NOX3: variants seen among roughly 807,000 people sequenced by gnomAD.
The protein encoded by NOX3 is NADPH oxidase catalytic subunit-like 3.
NOX3 carries 74 observed loss-of-function variants against 76.7 expected under a neutral mutation model. The observed-to-expected ratio is 0.96, with a 90% CI of 0.80 to 1.17. The LOEUF (loss-of-function observed/expected upper bound fraction) is 1.17. Among genes scored for constraint, NOX3 ranks in the 50% most tolerant of loss-of-function variants. NOX3 has a pLI of 0.00. For synonymous variants in NOX3, 263 were observed against 261.1 expected, an observed-to-expected ratio of 1.01 and a Z score of -0.07; for missense variants, 695 against 703.3, an observed-to-expected ratio of 0.99 and a Z score of 0.13.
rs760201197 is a variant in NOX3 at position 155,440,154 on chromosome 6, C to CAACAAAAAAAGAAACA, written c.487-33_487-18dup. 6.6e-7 allele frequency: 1 copy of CAACAAAAAAAGAAACA among 1,504,510 alleles called. No individual in the cohort carries two copies. The highest frequency in any genetic ancestry group is 8.9e-7 in the Non-Finnish European group (1 of 1,126,872). 93.2% of individuals were successfully genotyped at this position (1,504,510 alleles called of 1,614,324 possible). On this transcript the variant is annotated splice_polypyrimidine_tract_variant and intron_variant, in intron 5 of 13. Transcript: ENST00000159060. ...GGTTGTGTTCTAAAAAAAACAACAA[C>CAACAAAAAAAGAAACA]AACAAAAAAAGAAACAAACAAAAAA...
chr6:155,430,786 A>C (rs962466486), intron 8 of NOX3, 57 bp downstream of exon 8: 2 of 1,202,422 alleles, frequency 1.7e-6, no homozygotes, highest in Non-Finnish European at 2.4e-6. Context: ...ATTTGGGCTA[A>C]TAAAAAATTT....
intron 7 of NOX3, 66 bp downstream of exon 7, chr6:155,436,352 C>T: frequency 2.5e-6 from 4 of 1,573,654 alleles, no homozygotes; most frequent in Non-Finnish European, 3.5e-6. Context: ...TTTTCCAAGC[C>T]TATAAAAACT....
intron 7 of NOX3, among the ~76,000 whole-genome samples, chr6:155,434,049 G>T (rs1776869643): frequency 6.6e-6 from 1 of 152,182 alleles, no homozygotes. Flanking sequence ...ATTCCTACCA[G>T]AAAATAAGAA....
intron 9 of NOX3, among the ~76,000 whole-genome samples, chr6:155,423,844 G>A (rs1046422044): frequency 6.6e-6 from 1 of 151,120 alleles, no homozygotes; most frequent in Admixed American, 6.6e-5. Flanking sequence ...GGGTTCAAGC[G>A]ACTCTTCTGA....
chr6:155,397,704 G>A (rs1779157809), intron 12 of NOX3, among the ~76,000 whole-genome samples: 2 of 152,180 alleles, frequency 1.3e-5, no homozygotes, highest in East Asian at 1.9e-4. Context: ...TTTTAAAAAG[G>A]TTAGTTATCA....
chr6:155,446,232 T>A (rs1777063876), intron 4 of NOX3, among the ~76,000 whole-genome samples: 1 of 151,942 alleles, frequency 6.6e-6, no homozygotes, highest in Non-Finnish European at 1.5e-5. Context: ...TTGTTTAGCC[T>A]CAGCATCCAC....
chr6:155,418,106 G>A (rs1412927080), intron 10 of NOX3, among the ~76,000 whole-genome samples: 1 of 152,084 alleles, frequency 6.6e-6, no homozygotes. Flanking sequence ...GTGATATTAG[G>A]GAGAACTAAA....
intron 10 of NOX3, among the ~76,000 whole-genome samples, chr6:155,416,024 A>T (rs182306178): frequency 8.5e-5 from 13 of 152,338 alleles, no homozygotes; most frequent in Non-Finnish European, 1.5e-4. Context: ...GAATCTCAGC[A>T]TTCATCATGA....
chr6:155,401,049 A>T (rs1017485778), intron 12 of NOX3, among the ~76,000 whole-genome samples: 1 of 152,192 alleles, frequency 6.6e-6, no homozygotes, highest in Non-Finnish European at 1.5e-5. Context: ...CCCCACCCCA[A>T]TAAAACAGTA....
In NOX3 at chr6:155,455,019, A is replaced by G. The variant is rs1429347438; in HGVS notation, c.144+15T>C. The G allele has an allele frequency of 6.3e-7, 1 of 1,595,616 alleles. No homozygotes were observed. Reference sequence around the variant, plus strand: ...TTTTCTGAAAAAATAATGTTTAATCATAAACTGTACTTACACCCAAAATAA... The same window carrying G: ...TTTTCTGAAAAAATAATGTTTAATCGTAAACTGTACTTACACCCAAAATAA... On this transcript the variant is annotated intron_variant, in intron 2 of 13. Transcript: ENST00000159060.
intron 11 of NOX3, among the ~76,000 whole-genome samples, chr6:155,410,239 C>G (rs1562459431): frequency 6.6e-6 from 1 of 152,042 alleles, no homozygotes; most frequent in Non-Finnish European, 1.5e-5. Flanking sequence ...GAATTTCTAG[C>G]AGAGTCTTAT....
intron 7 of NOX3, among the ~76,000 whole-genome samples, chr6:155,433,483 G>C (rs1776860698): frequency 6.6e-6 from 1 of 152,258 alleles, no homozygotes; most frequent in African/African-American, 2.4e-5. Flanking sequence ...CCCTCACTCT[G>C]TGCCACTAGG....
chr6:155,407,215 C>T lies in NOX3; in HGVS notation c.1495G>A (p.Val499Met), dbSNP rs201489721. Residue 499 changes from valine (V) to methionine (M), a missense_variant, in exon 12 of 14, where the codon GTG becomes ATG. Coordinates refer to ENST00000159060, the MANE Select transcript of NOX3 (RefSeq NM_015718.3). ...IALHWDENTD[V>M]ITGLKQKTFY... ...GTCTTCTGCTTTAAGCCTGTAATCA[C>T]GTCAGTATTTTCGTCCCAGTGTAAA... The T allele has an allele frequency of 1.1e-5, 17 of 1,613,686 alleles. No individual in the cohort carries two copies. Among genetic ancestry groups the T allele is most frequent in the South Asian group, 3.3e-5 (3 of 91,072 alleles).
chr6:155,419,310 T>A (rs1204946605), intron 10 of NOX3, among the ~76,000 whole-genome samples: 1 of 152,178 alleles, frequency 6.6e-6, no homozygotes, highest in Non-Finnish European at 1.5e-5. Context: ...TTCAATAGCA[T>A]GAAAACCTCA....
intron 3 of NOX3, among the ~76,000 whole-genome samples, 162 bp from the exon 4 acceptor site, chr6:155,453,650 G>C (rs910038028): frequency 3.3e-5 from 5 of 152,094 alleles, no homozygotes; most frequent in South Asian, 2.1e-4. Flanking sequence ...CAAATCAAAA[G>C]GTTATTAGTT....
chr6:155,424,217 G>A (rs144174498), intron 9 of NOX3, among the ~76,000 whole-genome samples: 57 of 152,202 alleles, frequency 3.7e-4, no homozygotes, highest in African/African-American at 1.3e-3. Context: ...CATCACAGCT[G>A]TAATTTTACA....
chr6:155,410,632 A>G (rs1476283435), intron 11 of NOX3, among the ~76,000 whole-genome samples: 2 of 152,234 alleles, frequency 1.3e-5, no homozygotes, highest in East Asian at 1.9e-4. Flanking sequence ...AATACAATAT[A>G]CTGCAGAACA....
intron 5 of NOX3, 70 bp downstream of exon 5, chr6:155,443,203 G>T (rs1263849171): frequency 1.4e-6 from 2 of 1,433,122 alleles, no homozygotes; most frequent in Non-Finnish European, 1.9e-6. Flanking sequence ...TCAATATAGC[G>T]TTCCTGATTA....
intron 4 of NOX3, among the ~76,000 whole-genome samples, chr6:155,449,294 C>CGA: frequency 6.6e-6 from 1 of 152,196 alleles, no homozygotes; most frequent in South Asian, 2.1e-4. Flanking sequence ...AGCAAGCTGC[C>CGA]GACTCTGCCA....
Sources: gnomAD v4.1 joint callset for allele counts (sites outside exome capture counted in the v4.1 genomes callset) on GRCh38, gnomAD v4.1.1 for gene constraint, MANE v1.5 for transcripts, NCBI Gene and HGNC (gene_info 2026-07-23, HGNC 2026-07-21) for gene names.